Variants in KIF6 observed in about 807,000 individuals in gnomAD.
KIF6 encodes kinesin-like protein KIF6.
In KIF6, 106 loss-of-function variants were observed where a neutral mutation model predicts 112.7. The ratio of observed to expected loss-of-function variants is 0.94; its 90% confidence interval spans 0.80 to 1.11. The LOEUF is 1.11. KIF6 is among the 50% of genes least tolerant of loss of function. The pLI is 0.00. For missense variants in KIF6, 929 were observed against 964.0 expected (o/e 0.96, Z 0.48); for synonymous variants, 339 against 339.9 (o/e 1.00, Z 0.03).
At position 39,378,181 on chromosome 6, in the gene KIF6, C is replaced by T. The variant is rs374070211; in HGVS notation, c.1861+7441G>A. On this transcript the variant is annotated intron_variant, in intron 16 of 22. Transcript: ENST00000287152. The surrounding 1 kb of genome is among the most constrained non-coding windows in gnomAD (Gnocchi z 5.0). Reference sequence around the variant, plus strand: ...AGCGTAAATGCAGAGAAACCCCCATCCCGCACACAAACACACAAACCACAC... The same window carrying T: ...AGCGTAAATGCAGAGAAACCCCCATTCCGCACACAAACACACAAACCACAC... Among the ~76,000 whole-genome samples, 6 of 151,980 alleles carry T rather than the reference C, an allele frequency of 3.9e-5. No homozygotes were observed. In the East Asian group the frequency reaches 9.7e-4, roughly 24 times the overall value.
intron 19 of KIF6, among the ~76,000 whole-genome samples, chr6:39,356,813 G>C (rs1285838272): frequency 6.6e-6 from 1 of 152,136 alleles, no homozygotes; most frequent in East Asian, 1.9e-4. Flanking sequence ...CCATCATGTA[G>C]GGAGACTGGC....
intron 5 of KIF6, among the ~76,000 whole-genome samples, chr6:39,630,527 A>T (rs1003394714): frequency 6.6e-6 from 1 of 152,088 alleles, no homozygotes; most frequent in African/African-American, 2.4e-5. Flanking sequence ...TTTGTACATT[A>T]ACCTTGTATT....
At chr6:39,502,135 A>C (rs79211376) in intron 13 of KIF6, among the ~76,000 whole-genome samples, 1 of 152,202 alleles carries the variant, frequency 6.6e-6, no homozygotes, top group Non-Finnish European at 1.5e-5. Context: ...CTAACAGTGG[A>C]TCTCTCAGTG....
chr6:39,648,219 C>CG (rs1481861534), intron 3 of KIF6, among the ~76,000 whole-genome samples: 28 of 68,002 alleles, frequency 4.1e-4, no homozygotes, highest in African/African-American at 1.4e-3. Flanking sequence ...AGACGGGGGG[C>CG]GGGCGGGGGG....
intron 7 of KIF6, among the ~76,000 whole-genome samples, chr6:39,595,715 T>C (rs936891106): frequency 2.6e-5 from 4 of 152,170 alleles, no homozygotes; most frequent in African/African-American, 9.6e-5. Context: ...AAAGGACAGA[T>C]GTTGCATAAT....
At chr6:39,557,705 G>C (rs1779782056) in intron 10 of KIF6, among the ~76,000 whole-genome samples, 1 of 151,896 alleles carries the variant, frequency 6.6e-6, no homozygotes, top group South Asian at 2.1e-4. Context: ...ATCCTCAGAA[G>C]TCAAAAAATG....
intron 13 of KIF6, among the ~76,000 whole-genome samples, chr6:39,435,376 A>G (rs1212219065): frequency 6.6e-6 from 1 of 152,148 alleles, no homozygotes; most frequent in African/African-American, 2.4e-5. Context: ...GCAGGTATTT[A>G]AAAAAATTTT....
chr6:39,550,909 T>C (rs757028504), intron 10 of KIF6, among the ~76,000 whole-genome samples: 6 of 152,188 alleles, frequency 3.9e-5, no homozygotes, highest in Non-Finnish European at 5.9e-5. Flanking sequence ...GTGACAAAGA[T>C]ATAAAAGGAT....
chr6:39,446,214 A>G (rs976461445), intron 13 of KIF6, among the ~76,000 whole-genome samples: 3 of 152,214 alleles, frequency 2.0e-5, no homozygotes, highest in Non-Finnish European at 4.4e-5. Context: ...TGAAACACAT[A>G]ATAACTGCTA....
At chr6:39,394,716 G>A (rs1031862402) in intron 15 of KIF6, among the ~76,000 whole-genome samples, 1 of 152,226 alleles carries the variant, frequency 6.6e-6, no homozygotes, top group African/African-American at 2.4e-5. Flanking sequence ...CTAGGCAAAT[G>A]TTTTTAAGCT....
At chr6:39,679,435 A>G (rs770518626) in intron 3 of KIF6, among the ~76,000 whole-genome samples, 4 of 152,130 alleles carry the variant, frequency 2.6e-5, no homozygotes, top group Non-Finnish European at 4.4e-5. Flanking sequence ...AAAAGTTAAC[A>G]GAGGAGTCAT....
chr6:39,560,201 T>C (rs912129309), intron 10 of KIF6, among the ~76,000 whole-genome samples: 10 of 152,196 alleles, frequency 6.6e-5, no homozygotes, highest in Non-Finnish European at 1.0e-4. Context: ...CAGTAATAAA[T>C]TGAAGTTAGG....
At chr6:39,337,076 TTTCTTTCC>T (rs890318437) in intron 22 of KIF6, among the ~76,000 whole-genome samples, 1 of 139,696 alleles carries the variant, frequency 7.2e-6, no homozygotes, top group African/African-American at 2.6e-5. Context: ...TTCTCTTTCC[TTTCTTTCC>T]TTCTTTCCTT....
chr6:39,332,535 C>T lies in KIF6; in HGVS notation c.*3997G>A, dbSNP rs922238492. On this transcript the variant is annotated 3_prime_UTR_variant, in exon 23 of 23. Coordinates refer to ENST00000287152, the MANE Select transcript of KIF6 (RefSeq NM_145027.6). ...TCTATCATCTAGGACTAATTTGGCC[C>T]CACTTCTGAGGCAGTACCTTATGTG... 1 of 152,134 alleles carries T rather than the reference C, an allele frequency of 6.6e-6. No individual in the cohort carries two copies. The highest frequency in any genetic ancestry group is 2.4e-5 in the African/African-American group (1 of 41,432). 9.4% of individuals were successfully genotyped at this position (152,134 alleles called of 1,614,324 possible).
intron 3 of KIF6, among the ~76,000 whole-genome samples, chr6:39,702,575 T>G (rs1788934753): frequency 6.6e-6 from 1 of 152,196 alleles, no homozygotes; most frequent in South Asian, 2.1e-4. Context: ...GTGCCTGAAA[T>G]TGGACTAATT....
At chr6:39,557,130 AG>A in intron 10 of KIF6, among the ~76,000 whole-genome samples, 1 of 152,288 alleles carries the variant, frequency 6.6e-6, no homozygotes, top group Middle Eastern at 3.4e-3. Flanking sequence ...AACTTGTAAA[AG>A]TTTTAAAAGA....
At chr6:39,432,041 G>A (rs1202468736) in intron 13 of KIF6, among the ~76,000 whole-genome samples, 2 of 151,726 alleles carry the variant, frequency 1.3e-5, no homozygotes, top group East Asian at 1.9e-4. Flanking sequence ...CTCTACCTCC[G>A]TGGAGCTTTC....
At chr6:39,350,829 T>C (rs1296177880) in intron 19 of KIF6, among the ~76,000 whole-genome samples, 3 of 152,210 alleles carry the variant, frequency 2.0e-5, no homozygotes, top group African/African-American at 7.2e-5. Context: ...ACCTGCCTAG[T>C]GTGACCGTCC....
intron 1 of KIF6, among the ~76,000 whole-genome samples, chr6:39,721,991 TTA>T (rs1790247831): frequency 6.6e-6 from 1 of 152,100 alleles, no homozygotes; most frequent in East Asian, 1.9e-4. Context: ...AAGTATATTT[TTA>T]TTGAAACTTC....
Sources: gnomAD v4.1 joint callset for allele counts (sites outside exome capture counted in the v4.1 genomes callset) on GRCh38, gnomAD v4.1.1 for gene constraint, Gnocchi (gnomAD v3.1) non-coding constraint, MANE v1.5 for transcripts, NCBI Gene and HGNC (gene_info 2026-07-23, HGNC 2026-07-21) for gene names.